Variants in MYLIP observed in about 807,000 individuals in gnomAD.
MYLIP encodes the protein myosin regulatory light chain interacting protein.
A neutral mutation model predicts 45.8 loss-of-function variants in MYLIP; 26 were observed. That is an observed-to-expected ratio of 0.57 (90% CI 0.42 to 0.79). The LOEUF is 0.79. Among genes scored for constraint, MYLIP ranks in the 30% least tolerant of loss-of-function variants. The pLI is 0.00. For missense variants in MYLIP, 494 were observed against 555.6 expected, an observed-to-expected ratio of 0.89 and a Z score of 1.11; for synonymous variants, 213 against 218.1, an observed-to-expected ratio of 0.98 and a Z score of 0.21.
chr6:16,137,485 A>G (rs1759579766), intron 2 of MYLIP, among the ~76,000 whole-genome samples: 1 of 152,224 alleles, frequency 6.6e-6, no homozygotes, highest in South Asian at 2.1e-4. Context: ...TTAAAGATGT[A>G]GGTTAGTTCT....
In MYLIP at chr6:16,135,775, A is replaced by ATATATATATG. The variant is rs1220728725; in HGVS notation, c.278+5031_278+5032insATATATGTAT. On this transcript the variant is annotated intron_variant, in intron 2 of 6. Coordinates refer to ENST00000356840, the MANE Select transcript of MYLIP (RefSeq NM_013262.4). ...TATATCTATATATATATATATATAT[A>ATATATATATG]TATGTATGCTATATATTCTATATAG... is the stretch of plus-strand genomic sequence containing the variant. Among the ~76,000 whole-genome samples the ATATATATATG allele has an allele frequency of 7.5e-5, 11 of 146,184 alleles. No homozygotes were observed. In the East Asian group the frequency reaches 2.2e-3, roughly 29 times the overall value.
At chr6:16,150,952 C>T (rs551130660), downstream of MYLIP, among the ~76,000 whole-genome samples, 8 of 152,196 alleles carry the variant, frequency 5.3e-5, no homozygotes, top group East Asian at 1.9e-4. Flanking sequence ...AAGGATCAGA[C>T]GCCCCACAGG....
the MYLIP span, among the ~76,000 whole-genome samples, chr6:16,155,909 C>G: frequency 0.34 from 51,023 of 151,826 alleles, 10,726 homozygotes; most frequent in East Asian, 0.72. Flanking sequence ...GACAGCCTTT[C>G]TTTTCTGCAC....
chr6:16,140,380 A>G (rs1264263185), intron 2 of MYLIP, among the ~76,000 whole-genome samples: 1 of 152,176 alleles, frequency 6.6e-6, no homozygotes, highest in African/African-American at 2.4e-5. Context: ...TGTAGAATAT[A>G]GTATTGTATA....
At chr6:16,144,827 T>A in intron 5 of MYLIP, 70 bp from the exon 6 acceptor site, 1 of 1,509,398 alleles carries the variant, frequency 6.6e-7, no homozygotes, top group South Asian at 1.3e-5. Flanking sequence ...TCTGTTCTTA[T>A]TGACAACAGC....
At chr6:16,142,456 A>G (rs1581606880) in intron 3 of MYLIP, among the ~76,000 whole-genome samples, 1 of 152,350 alleles carries the variant, frequency 6.6e-6, no homozygotes, top group Admixed American at 6.5e-5. Flanking sequence ...ATAACAAGTT[A>G]CCCCAAAACT....
At chr6:16,142,837 A>G (rs1039975771) in intron 3 of MYLIP, among the ~76,000 whole-genome samples, 183 bp from the exon 4 acceptor site, 2 of 152,236 alleles carry the variant, frequency 1.3e-5, no homozygotes, top group Non-Finnish European at 2.9e-5. Flanking sequence ...AATAGTTGAG[A>G]TCCCAGTGTC....
At chr6:16,138,635 G>A (rs1759604332) in intron 2 of MYLIP, among the ~76,000 whole-genome samples, 1 of 152,152 alleles carries the variant, frequency 6.6e-6, no homozygotes, top group Non-Finnish European at 1.5e-5. Context: ...AAGGCTGTAA[G>A]TCCATCTAAA....
At chr6:16,141,873 G>T (rs1195863925) in intron 3 of MYLIP, 63 bp downstream of exon 3, 1 of 1,432,880 alleles carries the variant, frequency 7.0e-7, no homozygotes, top group Non-Finnish European at 9.4e-7. Flanking sequence ...TGAAACTAAG[G>T]TTGGAAGGTA....
the MYLIP span, among the ~76,000 whole-genome samples, chr6:16,153,983 C>G: frequency 5.3e-5 from 8 of 152,134 alleles, no homozygotes; most frequent in Non-Finnish European, 1.0e-4. Context: ...TCCCAGCACC[C>G]TCTCTTCTCC....
the MYLIP span, among the ~76,000 whole-genome samples, chr6:16,160,524 G>A: frequency 3.9e-5 from 6 of 152,160 alleles, no homozygotes; most frequent in South Asian, 2.1e-4. Context: ...GGTCTGGGCC[G>A]GGTGCGATGG....
downstream of MYLIP, among the ~76,000 whole-genome samples, chr6:16,149,804 T>C (rs537265119): frequency 6.6e-6 from 1 of 152,338 alleles, no homozygotes; most frequent in African/African-American, 2.4e-5. Flanking sequence ...TTTAGAAATA[T>C]GGTCAGCATT....
the MYLIP span, among the ~76,000 whole-genome samples, chr6:16,154,456 C>G: frequency 6.6e-6 from 1 of 152,092 alleles, no homozygotes; most frequent in Non-Finnish European, 1.5e-5. Flanking sequence ...AGATGAGGAC[C>G]TCAGGCACAG....
chr6:16,131,389 C>G (rs1172337226), intron 2 of MYLIP, among the ~76,000 whole-genome samples: 1 of 152,196 alleles, frequency 6.6e-6, no homozygotes, highest in South Asian at 2.1e-4. Context: ...TATCTCTCTA[C>G]GTTGTAAAAC....
At position 16,146,899 on chromosome 6, in the gene MYLIP, G is replaced by A; in HGVS notation, c.*148G>A. The A allele has an allele frequency of 1.5e-6, 1 of 666,052 alleles. No individual in the cohort carries two copies. Among genetic ancestry groups the A allele is most frequent in the Admixed American group, 2.8e-5 (1 of 36,304 alleles). 41.3% of individuals were successfully genotyped at this position (666,052 alleles called of 1,614,324 possible). On this transcript the variant is annotated 3_prime_UTR_variant, in exon 7 of 7. Transcript: ENST00000356840. The stretch of plus-strand genomic sequence containing the variant: ...AAAAAAAAGGAAGAAAAATAACACA[G>A]CTACTCCTCACTGCAAAAACATATC...
chr6:16,135,574 G>A (rs1759532651), intron 2 of MYLIP, among the ~76,000 whole-genome samples: 1 of 151,988 alleles, frequency 6.6e-6, no homozygotes, highest in South Asian at 2.1e-4. Context: ...CCATGAAGTA[G>A]ATAGATGTGG....
chr6:16,157,148 A>G, the MYLIP span, among the ~76,000 whole-genome samples: 39 of 152,290 alleles, frequency 2.6e-4, no homozygotes, highest in Non-Finnish European at 5.0e-4. Flanking sequence ...TCACTCCTGG[A>G]CCATTGCTGA....
At chr6:16,154,538 A>AGTGTTCCCCC in the MYLIP span, among the ~76,000 whole-genome samples, 5 of 152,220 alleles carry the variant, frequency 3.3e-5, 1 homozygote, top group South Asian at 8.3e-4. Flanking sequence ...CAGGGCTCCA[A>AGTGTTCCCCC]GTGTTCCCCC....
At chr6:16,141,463 C>A in intron 2 of MYLIP, 162 bp from the exon 3 acceptor site, 1 of 612,822 alleles carries the variant, frequency 1.6e-6, no homozygotes, top group Non-Finnish European at 2.7e-6. Context: ...TTTGATTTTG[C>A]CTTAATACTG....
Sources: allele counts gnomAD v4.1 joint callset (sites outside exome capture counted in the v4.1 genomes callset), GRCh38; gene constraint gnomAD v4.1.1; transcripts MANE v1.5; gene names NCBI Gene and HGNC (gene_info 2026-07-23, HGNC 2026-07-21).